Variants in FAM186A observed in about 807,000 individuals in gnomAD.
FAM186A encodes the protein protein FAM186A.
FAM186A carries 163 observed loss-of-function variants against 216.8 expected under a neutral mutation model. The observed-to-expected ratio is 0.75, with a 90% CI of 0.66 to 0.86. The LOEUF is 0.86. Ranked by LOEUF, FAM186A falls within the 40% of genes least tolerant of loss-of-function variation. The pLI is 0.00. For missense variants in FAM186A, 2,184 were observed against 2,746.2 expected, an observed-to-expected ratio of 0.80 and a Z score of 4.58; for synonymous variants, 805 against 1,025.3, an observed-to-expected ratio of 0.79 and a Z score of 4.10.
chr12:50,361,908 C>G (rs1396764418), intron 2 of FAM186A, among the ~76,000 whole-genome samples: 9 of 151,590 alleles, frequency 5.9e-5, no homozygotes, highest in Non-Finnish European at 8.8e-5. Context: ...CATGAAATTT[C>G]TAGCAACAAA....
At chr12:50,371,325 G>A (rs1943140709) in intron 1 of FAM186A, among the ~76,000 whole-genome samples, 1 of 151,804 alleles carries the variant, frequency 6.6e-6, no homozygotes, top group Non-Finnish European at 1.5e-5. Context: ...CACCATCTTG[G>A]CCAGGCTGGT....
rs1428349759 is a variant in FAM186A at position 50,351,326 on chromosome 12, GC to G, written c.5505del (p.Gln1836SerfsTer4). On this transcript the variant is annotated frameshift_variant, in exon 4 of 8. Coordinates refer to ENST00000327337, the MANE Select transcript of FAM186A (RefSeq NM_001145475.3). LOFTEE classifies it high-confidence loss of function. ...GGTGGAACTCCAGCTATAAAGGGCT[GC>G]CCTGGAGTGGGAGGGGCCCGAGATA... ...LPISRAPPTPGQPFIAGVPPT... is the reference protein window; with the variant it reads ...LPISRAPPTPXQPFIAGVPPT... 1.3e-6 allele frequency: 2 copies of G among 1,506,830 alleles called. No homozygotes were observed. Among genetic ancestry groups the G allele is most frequent in the Non-Finnish European group, 1.8e-6 (2 of 1,129,166 alleles). The allele number at this position is 1,506,830 out of a possible 1,614,324, so 93.3% of individuals were successfully genotyped here.
intron 1 of FAM186A, among the ~76,000 whole-genome samples, chr12:50,380,675 G>T (rs1025160189): frequency 6.6e-6 from 1 of 151,408 alleles, no homozygotes; most frequent in African/African-American, 2.4e-5. Context: ...CAGCCTGGGT[G>T]ACAGAGTGAG....
At position 50,394,703 on chromosome 12, in the gene FAM186A, G is replaced by A. The variant is rs185574850; in HGVS notation, c.192+1590C>T. On this transcript the variant is annotated intron_variant, in intron 1 of 7. Transcript: ENST00000327337. Reference sequence around the variant, plus strand: ...TGGCCTCCAAAGTGCTGGGATTACAGGAGTGAGCCACTGTGCCTGGCTAAC... The same window carrying A: ...TGGCCTCCAAAGTGCTGGGATTACAAGAGTGAGCCACTGTGCCTGGCTAAC... Among the ~76,000 whole-genome samples the A allele has an allele frequency of 7.9e-4, 114 of 143,614 alleles. 1 individual carries two copies. The highest frequency in any genetic ancestry group is 2.8e-3 in the African/African-American group (106 of 38,526). 94.2% of individuals were successfully genotyped at this position (143,614 alleles called of 152,430 possible). A position where few individuals can be genotyped will look rare whatever the true frequency, so the allele number is the denominator to read the frequency against.
intron 5 of FAM186A, among the ~76,000 whole-genome samples, chr12:50,332,767 G>T (rs1942668195): frequency 6.6e-6 from 1 of 152,120 alleles, no homozygotes; most frequent in Non-Finnish European, 1.5e-5. Flanking sequence ...GGTGGCTCAA[G>T]CCTCTATCCC....
intron 1 of FAM186A, among the ~76,000 whole-genome samples, chr12:50,366,660 C>A (rs9739363): frequency 1.6e-5 from 2 of 127,736 alleles, no homozygotes; most frequent in Admixed American, 8.3e-5. Context: ...GTGATCATCA[C>A]AATTGATACA....
intron 1 of FAM186A, among the ~76,000 whole-genome samples, chr12:50,391,179 G>A (rs1184121849): frequency 1.3e-5 from 2 of 151,330 alleles, no homozygotes; most frequent in East Asian, 1.9e-4. Context: ...AGTAGAGATG[G>A]GGTGTCACCA....
rs1214503608 is a variant in FAM186A, at chr12:50,354,493, G to C, written c.2339C>G (p.Ser780Ter). The change falls in exon 4 of 8, where the codon TCA becomes TGA. Residue 780 changes from serine (S) to a stop codon, truncating the protein, a stop_gained. Coordinates refer to ENST00000327337, the MANE Select transcript of FAM186A (RefSeq NM_001145475.3). LOFTEE classifies it high-confidence loss of function. ...SAKSESSTLL[S>*]YESTDPVINN... is the part of the protein sequence containing the mutation. The stretch of plus-strand genomic sequence containing the variant: ...AATTACTGGATCTGTGCTCTCATAT[G>C]AGAGGAGGGTACTGCTTTCAGATTT... The C allele has an allele frequency of 6.4e-7, 1 of 1,551,616 alleles. No homozygotes were observed. The highest frequency in any genetic ancestry group is 8.7e-7 in the Non-Finnish European group (1 of 1,146,990).
Position 50,350,438 on chromosome 12 carries a change from G to T in FAM186A, c.6394C>A (p.Leu2132Ile), listed in dbSNP as rs1255629995. Residue 2132 changes from leucine (L) to isoleucine (I), a missense_variant, in exon 4 of 8, where the codon CTA becomes ATA. Physicochemically the swap from Leu to Ile is conservative, Grantham distance 5. This residue lies in a region of FAM186A where 721 missense variants were observed against 816.4 expected (regional missense o/e 0.88). Transcript: ENST00000327337. ...AIKTCGLPSQ[L>I]HTMARTLIIE... ...ATGAGAGTCCTAGCCATTGTGTGTA[G>T]CTGTGAAGGGAGTCCACAAGTTTTT... is the stretch of plus-strand genomic sequence containing the variant. 6.4e-7 allele frequency: 1 copy of T among 1,551,440 alleles called. No homozygotes were observed. Among genetic ancestry groups the T allele is most frequent in the Non-Finnish European group, 8.7e-7 (1 of 1,146,982 alleles).
At chr12:50,390,816 C>G (rs1943349894) in intron 1 of FAM186A, among the ~76,000 whole-genome samples, 1 of 152,050 alleles carries the variant, frequency 6.6e-6, no homozygotes. Flanking sequence ...TCTATAATCC[C>G]AGCATTTTGG....
At chr12:50,371,350 C>T (rs930378424) in intron 1 of FAM186A, among the ~76,000 whole-genome samples, 4 of 152,016 alleles carry the variant, frequency 2.6e-5, no homozygotes, top group Admixed American at 6.6e-5. Context: ...AACTCCTGAC[C>T]TCATGATCCA....
At chr12:50,383,651 C>G (rs1054738601) in intron 1 of FAM186A, among the ~76,000 whole-genome samples, 15 of 152,022 alleles carry the variant, frequency 9.9e-5, no homozygotes, top group Non-Finnish European at 2.2e-4. Context: ...CTACATTCCC[C>G]CTACTGGTCT....
intron 3 of FAM186A, among the ~76,000 whole-genome samples, chr12:50,358,497 C>T (rs903499008): frequency 3.3e-5 from 5 of 152,060 alleles, no homozygotes; most frequent in Admixed American, 2.0e-4. Flanking sequence ...GCAGGAGGAT[C>T]CCTTGAGCCC....
At chr12:50,389,580 G>A (rs1183989884) in intron 1 of FAM186A, among the ~76,000 whole-genome samples, 3 of 152,322 alleles carry the variant, frequency 2.0e-5, no homozygotes, top group Admixed American at 6.5e-5. Context: ...TCCTGAGATA[G>A]AAGACCGAAG....
intron 4 of FAM186A, among the ~76,000 whole-genome samples, chr12:50,350,105 A>T (rs1942859219): frequency 6.6e-6 from 1 of 152,134 alleles, no homozygotes; most frequent in African/African-American, 2.4e-5. Flanking sequence ...TCTCCGCTGG[A>T]GATATATATG....
At chr12:50,336,422 C>G (rs929006460) in intron 4 of FAM186A, among the ~76,000 whole-genome samples, 1 of 152,120 alleles carries the variant, frequency 6.6e-6, no homozygotes, top group South Asian at 2.1e-4. Flanking sequence ...TCTCAAGGTG[C>G]GGACTCTGAT....
chr12:50,388,443 C>T (rs933646133), intron 1 of FAM186A, among the ~76,000 whole-genome samples: 1 of 151,402 alleles, frequency 6.6e-6, no homozygotes, highest in Non-Finnish European at 1.5e-5. Flanking sequence ...CACAGTGAAA[C>T]CCCCCTCTCT....
At chr12:50,386,151 A>C (rs1943301088) in intron 1 of FAM186A, among the ~76,000 whole-genome samples, 1 of 151,990 alleles carries the variant, frequency 6.6e-6, no homozygotes, top group Non-Finnish European at 1.5e-5. Context: ...TGAGGTGGCC[A>C]GGCATAGTAG....
chr12:50,380,982 GGCACA>G (rs76569113), intron 1 of FAM186A, among the ~76,000 whole-genome samples: 1 of 74 alleles, frequency 0.014, no homozygotes, highest in Non-Finnish European at 0.036. Flanking sequence ...TCCAGGCACA[GGCACA>G]GTGCCGACTC....
Sources: allele counts gnomAD v4.1 joint callset (sites outside exome capture counted in the v4.1 genomes callset), GRCh38; gene constraint gnomAD v4.1.1; regional missense constraint gnomAD v4.1.1; transcripts MANE v1.5; gene names NCBI Gene and HGNC (gene_info 2026-07-23, HGNC 2026-07-21).